Variants in RANBP2 observed in about 807,000 individuals in gnomAD.
The protein encoded by RANBP2 is E3 SUMO-protein ligase RanBP2.
In RANBP2, 57 loss-of-function variants were observed where a neutral mutation model predicts 303.6. The ratio of observed to expected loss-of-function variants is 0.19; its 90% CI spans 0.15 to 0.23. The LOEUF (loss-of-function observed/expected upper bound fraction) is 0.23. RANBP2 is among the 10% of genes least tolerant of loss of function. The pLI, the probability that RANBP2 is intolerant of heterozygous loss-of-function variation, is 1.00. For missense variants in RANBP2, 3,138 were observed against 3,780.8 expected (o/e 0.83, Z 4.46); for synonymous variants, 1,167 against 1,301.5 (o/e 0.90, Z 2.23).
chr2:109,076,575 C>G, the RANBP2 span, among the ~76,000 whole-genome samples: 143 of 150,138 alleles, frequency 9.5e-4, 1 homozygote, highest in African/African-American at 3.2e-3. Flanking sequence ...AATCAATATA[C>G]AAAAATTAAT....
chr2:108,794,785 G>A, the RANBP2 span: 7 of 1,188,836 alleles, frequency 5.9e-6, no homozygotes, highest in South Asian at 4.3e-5. Context: ...AAGCATTTAC[G>A]AAATTTGAAT....
chr2:109,213,001 T>C, the RANBP2 span, among the ~76,000 whole-genome samples: 1 of 152,154 alleles, frequency 6.6e-6, no homozygotes, highest in African/African-American at 2.4e-5. Context: ...TGCTGAGCGG[T>C]GTGCAGGTGT....
chr2:109,672,501 A>G, the RANBP2 span, among the ~76,000 whole-genome samples: 1 of 152,348 alleles, frequency 6.6e-6, no homozygotes, highest in South Asian at 2.1e-4. Context: ...GGCCAAGGTT[A>G]ATAACCAAAA....
chr2:109,367,884 A>C, the RANBP2 span, among the ~76,000 whole-genome samples: 1 of 152,206 alleles, frequency 6.6e-6, no homozygotes, highest in East Asian at 1.9e-4. Flanking sequence ...GGAATCACCG[A>C]ACTGCCTGCC....
intron 20 of RANBP2, among the ~76,000 whole-genome samples, 186 bp downstream of exon 20, chr2:108,768,574 T>C (rs149368650): frequency 1.8e-3 from 271 of 152,320 alleles, no homozygotes; most frequent in African/African-American, 6.3e-3. Context: ...GCAAGAGAAC[T>C]TAGTTTAAGA....
chr2:109,248,722 T>C, the RANBP2 span, among the ~76,000 whole-genome samples: 8 of 152,078 alleles, frequency 5.3e-5, no homozygotes, highest in Non-Finnish European at 1.0e-4. Flanking sequence ...CTTGCCTCCT[T>C]CTTTTCTTTC....
chr2:109,320,429 C>T, the RANBP2 span, among the ~76,000 whole-genome samples: 45,791 of 152,026 alleles, frequency 0.3, 8,302 homozygotes, highest in African/African-American at 0.51. Context: ...CTGGAACCAC[C>T]GCAGGCGCCC....
chr2:109,481,698 C>T, the RANBP2 span, among the ~76,000 whole-genome samples: 1 of 152,204 alleles, frequency 6.6e-6, no homozygotes, highest in Non-Finnish European at 1.5e-5. Context: ...ACCTCCAAAA[C>T]AGTTGCCACT....
the RANBP2 span, among the ~76,000 whole-genome samples, chr2:108,985,817 T>C: frequency 6.6e-6 from 1 of 152,234 alleles, no homozygotes; most frequent in Non-Finnish European, 1.5e-5. Flanking sequence ...AACTGTGTCA[T>C]TGGAACAATT....
chr2:109,510,163 CTG>C, the RANBP2 span, among the ~76,000 whole-genome samples: 1 of 152,200 alleles, frequency 6.6e-6, no homozygotes, highest in Non-Finnish European at 1.5e-5. Flanking sequence ...GATCAAGAAA[CTG>C]AGGGAGCCCA....
chr2:108,789,783 G>T (rs1467576898), downstream of RANBP2, among the ~76,000 whole-genome samples: 1 of 152,084 alleles, frequency 6.6e-6, no homozygotes. Context: ...AGAAGTTGCC[G>T]TTCTGTAAGG....
At chr2:108,776,137 G>C (rs1055983987) in intron 24 of RANBP2, among the ~76,000 whole-genome samples, 6 of 152,106 alleles carry the variant, frequency 3.9e-5, no homozygotes. Flanking sequence ...TATTGATAGA[G>C]TTGTGGTTAT....
the RANBP2 span, among the ~76,000 whole-genome samples, chr2:108,913,606 T>G: frequency 6.6e-6 from 1 of 151,892 alleles, no homozygotes; most frequent in East Asian, 2.0e-4. Flanking sequence ...AAATAATAGC[T>G]TCTTGATTTA....
the RANBP2 span, among the ~76,000 whole-genome samples, chr2:108,807,026 T>C: frequency 6.6e-6 from 1 of 152,192 alleles, no homozygotes; most frequent in East Asian, 1.9e-4. Flanking sequence ...ATTAAGGTGC[T>C]TACTCCTCAG....
the RANBP2 span, chr2:109,614,174 G>C: frequency 2.6e-6 from 3 of 1,171,850 alleles, no homozygotes; most frequent in Middle Eastern, 3.4e-4. Flanking sequence ...GAACTGCGGA[G>C]CAGTGATTGC....
chr2:109,597,023 C>T, the RANBP2 span, among the ~76,000 whole-genome samples: 2 of 152,080 alleles, frequency 1.3e-5, no homozygotes, highest in African/African-American at 2.4e-5. Flanking sequence ...GACTGACAGC[C>T]GAGATCCTCC....
the RANBP2 span, chr2:109,501,881 C>T: frequency 1.9e-6 from 1 of 537,702 alleles, no homozygotes; most frequent in Non-Finnish European, 3.3e-6. Flanking sequence ...CTGGGATGTT[C>T]TTCAAGGAAA....
chr2:108,764,641 A>G lies in RANBP2; in HGVS notation c.4102A>G (p.Thr1368Ala), dbSNP rs1241145879. 3 of 1,614,096 alleles carry G rather than the reference A, an allele frequency of 1.9e-6. No homozygotes were observed. The highest frequency in any genetic ancestry group is 2.2e-5 in the South Asian group (2 of 91,086). Residue 1368 changes from threonine (T) to alanine (A), a missense_variant, in exon 20 of 29, where the codon ACT becomes GCT. Thr to Ala is a moderately conservative substitution (Grantham distance 58). This residue lies in a region of RANBP2 where 388 missense variants were observed against 328.5 expected (regional missense o/e 1.18). Transcript: ENST00000283195. ...CAGCTGCTCATTAAAGAATGCTTCA[A>G]CTGCTAAGAAATGTGTATCATGCCA... The part of the protein sequence containing the change: ...CNSCSLKNAS[T>A]AKKCVSCQNL...
the RANBP2 span, among the ~76,000 whole-genome samples, chr2:109,152,640 G>A: frequency 3.9e-5 from 6 of 152,180 alleles, no homozygotes; most frequent in East Asian, 1.2e-3. Flanking sequence ...CTCTTTAAAC[G>A]GCATTATTTA....
Sources: gnomAD v4.1 joint callset for allele counts (sites outside exome capture counted in the v4.1 genomes callset) on GRCh38, gnomAD v4.1.1 for gene constraint, gnomAD v4.1.1 regional missense constraint, MANE v1.5 for transcripts, NCBI Gene and HGNC (gene_info 2026-07-23, HGNC 2026-07-21) for gene names.